Variants in TSHR observed in about 807,000 individuals in gnomAD.
The protein encoded by TSHR is thyroid stimulating hormone receptor.
Under a neutral mutation model 64.1 loss-of-function variants are expected in TSHR, and 51 were observed. That is an observed-to-expected ratio of 0.80 (90% CI 0.64 to 1.01). TSHR has a LOEUF of 1.01. TSHR is among the 50% of genes least tolerant of loss of function. TSHR has a pLI of 0.00. For synonymous variants in TSHR, 361 were observed against 361.9 expected, an observed-to-expected ratio of 1.00 and a Z score of 0.03; for missense variants, 877 against 942.8, an observed-to-expected ratio of 0.93 and a Z score of 0.91.
intron 8 of TSHR, among the ~76,000 whole-genome samples, chr14:81,136,527 A>G (rs1013451539): frequency 6.6e-6 from 1 of 152,194 alleles, no homozygotes; most frequent in African/African-American, 2.4e-5. Flanking sequence ...GGATGAAAAG[A>G]TAAGTTTTGA....
intron 1 of TSHR, among the ~76,000 whole-genome samples, chr14:80,958,568 AAAG>A (rs1318246172): frequency 6.6e-6 from 1 of 152,196 alleles, no homozygotes; most frequent in Non-Finnish European, 1.5e-5. Context: ...CAGGGAAAGG[AAAG>A]AAGAAGGAAG....
rs1390723878 is a variant in TSHR, at chr14:81,130,854, G to A, written c.693-8825G>A. Among the ~76,000 whole-genome samples the A allele has an allele frequency of 1.5e-5, 2 of 129,282 alleles. 1 individual carries two copies. Among genetic ancestry groups the A allele is most frequent in the African/African-American group, 7.5e-5 (2 of 26,616 alleles). 84.8% of individuals were successfully genotyped at this position (129,282 alleles called of 152,430 possible). On this transcript the variant is annotated intron_variant, in intron 8 of 9. Coordinates refer to ENST00000298171, the MANE Select transcript of TSHR (RefSeq NM_000369.5). ...AAAATACAAAAAATTAGCCGGGCGCGGTGGCGGGTGCCTGTAGTCCCAGCT... is the reference window on the plus strand; with the variant it reads ...AAAATACAAAAAATTAGCCGGGCGCAGTGGCGGGTGCCTGTAGTCCCAGCT...
chr14:80,973,254 A>C (rs901497495), intron 1 of TSHR, among the ~76,000 whole-genome samples: 1 of 151,700 alleles, frequency 6.6e-6, no homozygotes, highest in African/African-American at 2.4e-5. Flanking sequence ...AAATACAAAA[A>C]ATTAGCCGGG....
At position 80,982,375 on chromosome 14, in the gene TSHR, G is replaced by A. The variant is rs1362275527; in HGVS notation, c.170+26525G>A. On this transcript the variant is annotated intron_variant, in intron 1 of 9. Transcript: ENST00000298171. ...CTGGTTCTGAAATGGAGAAGAGGCT[G>A]GTAATCATTCCGGTGCTAAGAATGA... 3 of 1,260,412 alleles carry A rather than the reference G, an allele frequency of 2.4e-6. No individual in the cohort carries two copies. In the African/African-American group the frequency reaches 4.5e-5, roughly 19 times the overall value. 78.1% of individuals were successfully genotyped at this position (1,260,412 alleles called of 1,614,324 possible). A position where few individuals can be genotyped will look rare whatever the true frequency, so the allele number is the denominator to read the frequency against.
chr14:80,980,445 G>A (rs535953172), intron 1 of TSHR, among the ~76,000 whole-genome samples: 5 of 152,128 alleles, frequency 3.3e-5, no homozygotes, highest in South Asian at 2.1e-4. Context: ...CTCTCCCCAC[G>A]CAGGGATTAA....
intron 1 of TSHR, among the ~76,000 whole-genome samples, chr14:81,039,767 G>A (rs190793980): frequency 2.7e-4 from 41 of 151,998 alleles, no homozygotes; most frequent in Middle Eastern, 3.4e-3. Context: ...AACCAAGAAG[G>A]TGAAAAATTT....
intron 1 of TSHR, among the ~76,000 whole-genome samples, chr14:81,037,643 T>C (rs1019917718): frequency 1.3e-5 from 2 of 151,952 alleles, no homozygotes; most frequent in Non-Finnish European, 2.9e-5. Context: ...AGCGAAGGGA[T>C]GAAAAATGAT....
chr14:81,074,449 C>T (rs1887343101), intron 3 of TSHR, among the ~76,000 whole-genome samples: 1 of 152,134 alleles, frequency 6.6e-6, no homozygotes, highest in African/African-American at 2.4e-5. Flanking sequence ...AAAGATCACT[C>T]ATCTTTGCTC....
At chr14:80,978,451 G>A (rs1328413979) in intron 1 of TSHR, among the ~76,000 whole-genome samples, 1 of 152,242 alleles carries the variant, frequency 6.6e-6, no homozygotes, top group Non-Finnish European at 1.5e-5. Context: ...GATAACATCT[G>A]TGAAAGATAA....
intron 1 of TSHR, among the ~76,000 whole-genome samples, chr14:80,976,838 T>C (rs1456367033): frequency 6.6e-6 from 1 of 152,238 alleles, no homozygotes; most frequent in African/African-American, 2.4e-5. Context: ...TTGAATGTGA[T>C]AAGTGGACTC....
intron 1 of TSHR, among the ~76,000 whole-genome samples, chr14:80,967,823 CTTG>C (rs2139697131): frequency 6.6e-6 from 1 of 152,216 alleles, no homozygotes; most frequent in South Asian, 2.1e-4. Context: ...TGTGAGAATT[CTTG>C]TTGGGGAGTA....
At chr14:81,036,001 T>A (rs532823769) in intron 1 of TSHR, among the ~76,000 whole-genome samples, 17 of 152,266 alleles carry the variant, frequency 1.1e-4, no homozygotes, top group African/African-American at 4.1e-4. Flanking sequence ...CAAAAATTTG[T>A]GAACTTAAAG....
At chr14:81,142,394 T>A (rs1221714176) in intron 9 of TSHR, among the ~76,000 whole-genome samples, 1 of 151,968 alleles carries the variant, frequency 6.6e-6, no homozygotes, top group African/African-American at 2.4e-5. Context: ...GGCCACTTTT[T>A]TTTTTTTAAT....
At chr14:81,073,781 CA>C (rs1271132658) in intron 3 of TSHR, among the ~76,000 whole-genome samples, 6 of 151,968 alleles carry the variant, frequency 3.9e-5, no homozygotes, top group African/African-American at 1.4e-4. Flanking sequence ...TATAATAGAG[CA>C]GTACATTAAA....
chr14:81,103,383 A>G lies in TSHR; in HGVS notation c.615-4992A>G. On this transcript the variant is annotated intron_variant, in intron 7 of 9. Transcript: ENST00000298171. This position sits in a 1 kb window ranked among gnomAD's most constrained non-coding sequence, Gnocchi z 4.1. Reference sequence around the variant, plus strand: ...GGTATCATTAGGTTCTCATTTAAACAATGTGTCATCCAAAAGAGCAATCAT... The same window carrying G: ...GGTATCATTAGGTTCTCATTTAAACGATGTGTCATCCAAAAGAGCAATCAT... The G allele has an allele frequency of 6.1e-6, 6 of 985,466 alleles. No homozygotes were observed. The highest frequency in any genetic ancestry group is 7.2e-6 in the Non-Finnish European group (6 of 829,934). 61.0% of individuals were successfully genotyped at this position (985,466 alleles called of 1,614,324 possible). A position where few individuals can be genotyped will look rare whatever the true frequency, so the allele number is the denominator to read the frequency against.
chr14:81,013,292 T>C (rs539454180), intron 1 of TSHR: 5 of 152,368 alleles, frequency 3.3e-5, no homozygotes, highest in Admixed American at 2.6e-4. Context: ...TTCTGTTCCA[T>C]TGATCTATGT....
intron 8 of TSHR, among the ~76,000 whole-genome samples, chr14:81,113,239 G>A (rs1890307908): frequency 6.6e-6 from 1 of 152,182 alleles, no homozygotes; most frequent in Non-Finnish European, 1.5e-5. Flanking sequence ...TATTTTTTAA[G>A]GTAAAGCCAA....
intron 4 of TSHR, among the ~76,000 whole-genome samples, chr14:81,088,986 C>CT (rs60086198): frequency 0.014 from 1,811 of 125,712 alleles, 13 homozygotes; most frequent in Non-Finnish European, 0.022. Context: ...AAAATAGTTG[C>CT]TTTTTTTTTT....
chr14:81,110,292 A>C (rs145115073), intron 8 of TSHR, among the ~76,000 whole-genome samples: 209 of 152,370 alleles, frequency 1.4e-3, no homozygotes, highest in Admixed American at 3.8e-3. Flanking sequence ...AGAGGTAATT[A>C]AATTAAAATA....
Sources: allele counts gnomAD v4.1 joint callset (sites outside exome capture counted in the v4.1 genomes callset), GRCh38; gene constraint gnomAD v4.1.1; non-coding constraint Gnocchi (gnomAD v3.1); transcripts MANE v1.5; gene names NCBI Gene and HGNC (gene_info 2026-07-23, HGNC 2026-07-21).